Variants in PCDHA8 observed in about 807,000 individuals in gnomAD.
PCDHA8 encodes protocadherin alpha-8.
Under a neutral mutation model 61.8 loss-of-function variants are expected in PCDHA8, and 53 were observed. The observed-to-expected ratio is 0.86, with a 90% CI of 0.69 to 1.08. PCDHA8 has a LOEUF of 1.08. PCDHA8 is among the 50% of genes least tolerant of loss of function. PCDHA8 has a pLI of 0.00. For synonymous variants in PCDHA8, 618 were observed against 556.6 expected (o/e 1.11, Z -1.55); for missense variants, 1,293 against 1,245.0 (o/e 1.04, Z -0.58).
intron 1 of PCDHA8, among the ~76,000 whole-genome samples, chr5:140,955,810 A>G (rs1171384572): frequency 1.3e-5 from 2 of 152,090 alleles, no homozygotes; most frequent in Non-Finnish European, 2.9e-5. Context: ...GTTTGTGTCC[A>G]CTGTGATTTC....
At chr5:140,982,192 G>A (rs1390222750) in intron 2 of PCDHA8, among the ~76,000 whole-genome samples, 4 of 152,230 alleles carry the variant, frequency 2.6e-5, no homozygotes, top group Non-Finnish European at 4.4e-5. Context: ...TGGGCTTCCT[G>A]TTAGATTTAG....
intron 1 of PCDHA8, among the ~76,000 whole-genome samples, chr5:140,934,619 C>G (rs1403192448): frequency 1.3e-5 from 2 of 152,028 alleles, no homozygotes; most frequent in Non-Finnish European, 2.9e-5. Flanking sequence ...GCCTGAGGTA[C>G]AGTTCACACA....
chr5:140,941,241 T>TTCTTTCTTTCTTTC (rs1247398838), intron 1 of PCDHA8, among the ~76,000 whole-genome samples: 1 of 140,458 alleles, frequency 7.1e-6, no homozygotes, highest in Non-Finnish European at 1.5e-5. Flanking sequence ...CTTTCTTTCT[T>TTCTTTCTTTCTTTC]TCTTTCTTTC....
At chr5:140,849,740 C>T (rs2150447488) in intron 1 of PCDHA8, 1 of 1,598,420 alleles carries the variant, frequency 6.3e-7, no homozygotes, top group East Asian at 2.2e-5. Flanking sequence ...CTCTGGACCG[C>T]GAGAGTGTGT....
chr5:140,966,541 G>C (rs2096018356), intron 1 of PCDHA8: 3 of 462,844 alleles, frequency 6.5e-6, no homozygotes, highest in African/African-American at 2.0e-5. Context: ...TGAGCGACTC[G>C]GAGGCGAGCG....
intron 3 of PCDHA8, among the ~76,000 whole-genome samples, chr5:141,007,680 C>G (rs1179621299): frequency 1.3e-5 from 2 of 152,148 alleles, no homozygotes; most frequent in African/African-American, 4.8e-5. Flanking sequence ...CAAAAGTTAT[C>G]CTACTTCCAC....
At chr5:140,851,386 G>A (rs1374142206) in intron 1 of PCDHA8, 1 of 975,080 alleles carries the variant, frequency 1.0e-6, no homozygotes, top group African/African-American at 1.8e-5. Flanking sequence ...GCAACCTTCA[G>A]TATCTATTAT....
Position 140,842,085 on chromosome 5 carries a change from C to T in PCDHA8, c.764C>T (p.Ala255Val), listed in dbSNP as rs2150329021. 6.2e-7 allele frequency: 1 copy of T among 1,613,890 alleles called. No homozygotes were observed. Among genetic ancestry groups the T allele is most frequent in the Non-Finnish European group, 8.5e-7 (1 of 1,179,878 alleles). Residue 255 changes from alanine (A) to valine (V), a missense_variant, in exon 1 of 4, where the codon GCA becomes GTA. Transcript: ENST00000531613. ...SEYEVRIFEN[A>V]DNGTTVIKLN... ...TACGAAGTAAGAATATTCGAAAACG[C>T]AGACAACGGAACAACAGTTATCAAA...
At chr5:140,942,681 A>G (rs1554215168) in intron 1 of PCDHA8, among the ~76,000 whole-genome samples, 1 of 152,206 alleles carries the variant, frequency 6.6e-6, no homozygotes, top group African/African-American at 2.4e-5. Flanking sequence ...AGTTTTAGGA[A>G]TAACTTTAAT....
chr5:140,990,852 A>T (rs1265916406), intron 3 of PCDHA8, among the ~76,000 whole-genome samples: 2 of 152,198 alleles, frequency 1.3e-5, no homozygotes, highest in Non-Finnish European at 1.5e-5. Context: ...TAGAGCCCTG[A>T]GGACATTGTA....
chr5:140,869,343 G>A (rs1554162925), intron 1 of PCDHA8: 1 of 1,613,974 alleles, frequency 6.2e-7, no homozygotes, highest in African/African-American at 1.3e-5. Context: ...TAAATCTGCA[G>A]AATGGCATTT....
At chr5:140,970,316 A>G (rs547261671) in intron 1 of PCDHA8, among the ~76,000 whole-genome samples, 1 of 152,342 alleles carries the variant, frequency 6.6e-6, no homozygotes, top group African/African-American at 2.4e-5. Flanking sequence ...GTTAAATGAC[A>G]GTACTTCCAA....
At chr5:140,891,419 C>T (rs925275455) in intron 1 of PCDHA8, among the ~76,000 whole-genome samples, 1 of 147,378 alleles carries the variant, frequency 6.8e-6, no homozygotes, top group African/African-American at 2.5e-5. Flanking sequence ...CACTCTTGCC[C>T]CCAAGTCCCC....
In PCDHA8 at chr5:141,011,807, A is replaced by G. The variant is rs940017317; in HGVS notation, c.*1870A>G. ...CTAATGGTATCTGAAATATCAGCTC[A>G]TAGAAAGTAACAAAATTTGCTGTCA... On this transcript the variant is annotated 3_prime_UTR_variant, in exon 4 of 4. Coordinates refer to ENST00000531613, the MANE Select transcript of PCDHA8 (RefSeq NM_018911.3). The G allele has an allele frequency of 1.3e-5, 2 of 153,798 alleles. No individual in the cohort carries two copies. Among genetic ancestry groups the G allele is most frequent in the African/African-American group, 4.8e-5 (2 of 41,468 alleles). The allele number at this position is 153,798 out of a possible 1,614,324, so 9.5% of individuals were successfully genotyped here.
At chr5:140,960,548 A>G (rs73793541) in intron 1 of PCDHA8, among the ~76,000 whole-genome samples, 2,047 of 152,290 alleles carry the variant, frequency 0.013, 37 homozygotes, top group African/African-American at 0.047. Context: ...TGGCCTTCAT[A>G]TAGACTGAGC....
chr5:140,867,125 A>G (rs781885950), intron 1 of PCDHA8: 1 of 152,144 alleles, frequency 6.6e-6, no homozygotes, highest in Non-Finnish European at 1.5e-5. Flanking sequence ...TTTTAATTCA[A>G]ATATGTGATA....
chr5:140,927,031 GC>G, intron 1 of PCDHA8: 6 of 1,612,410 alleles, frequency 3.7e-6, no homozygotes, highest in Non-Finnish European at 5.1e-6. Flanking sequence ...GAGGCTGCCA[GC>G]GGCCGCTATG....
chr5:140,970,019 A>G (rs1385793747), intron 1 of PCDHA8, among the ~76,000 whole-genome samples: 2 of 152,212 alleles, frequency 1.3e-5, no homozygotes, highest in Non-Finnish European at 2.9e-5. Context: ...ATGGTGAGGC[A>G]GAGAGATTAA....
At chr5:140,874,354 T>C (rs1554167160) in intron 1 of PCDHA8, among the ~76,000 whole-genome samples, 5 of 152,214 alleles carry the variant, frequency 3.3e-5, no homozygotes, top group Non-Finnish European at 7.3e-5. Context: ...TGATCTTGAA[T>C]TAATGAATAA....
Sources: allele counts gnomAD v4.1 joint callset (sites outside exome capture counted in the v4.1 genomes callset), GRCh38; gene constraint gnomAD v4.1.1; transcripts MANE v1.5; gene names NCBI Gene and HGNC (gene_info 2026-07-23, HGNC 2026-07-21).